EHBP1: variants seen among roughly 807,000 people sequenced by gnomAD.
The protein encoded by EHBP1 is EH domain binding protein 1.
Under a neutral mutation model 144.0 loss-of-function variants are expected in EHBP1, and 55 were observed. The observed-to-expected ratio is 0.38, with a 90% CI of 0.31 to 0.48. The LOEUF (loss-of-function observed/expected upper bound fraction) is 0.48, where lower values mean the gene tolerates loss of function less well. Ranked by LOEUF, EHBP1 falls within the 20% of genes least tolerant of loss-of-function variation. The pLI is 0.98. For missense variants in EHBP1, 1,200 were observed against 1,364.2 expected, an observed-to-expected ratio of 0.88 and a Z score of 1.90; for synonymous variants, 469 against 472.7, an observed-to-expected ratio of 0.99 and a Z score of 0.10.
rs1335717597 is a variant in EHBP1 at position 62,799,078 on chromosome 2, TGA to T, written c.313-27006_313-27005del. On this transcript the variant is annotated intron_variant, in intron 5 of 22. Coordinates refer to ENST00000431489, the MANE Select transcript of EHBP1 (RefSeq NM_001142616.3). ...TGGTGTCTCTAGTCTTTTCTATATG[TGA>T]GACATAGTTTTTAAGCTTTCATATT... Among the ~76,000 whole-genome samples the T allele has an allele frequency of 2.6e-5, 4 of 151,864 alleles. No individual in the cohort carries two copies. The East Asian group carries it at 7.7e-4, about 29-fold the overall frequency.
At chr2:62,674,403 T>C (rs1486627630) in intron 1 of EHBP1, among the ~76,000 whole-genome samples, 1 of 152,178 alleles carries the variant, frequency 6.6e-6, no homozygotes, top group Admixed American at 6.5e-5. Context: ...ATATCCTCAA[T>C]TTTGGGGAAG....
intron 10 of EHBP1, among the ~76,000 whole-genome samples, chr2:62,910,474 A>T (rs1348595179): frequency 6.6e-6 from 1 of 152,172 alleles, no homozygotes; most frequent in Non-Finnish European, 1.5e-5. Flanking sequence ...ATATTTAACC[A>T]CTTACTGAGT....
At position 62,864,770 on chromosome 2, in the gene EHBP1, A is replaced by T; in HGVS notation, c.797A>T (p.Asp266Val). 6.2e-7 allele frequency: 1 copy of T among 1,612,722 alleles called. No individual in the cohort carries two copies. Among genetic ancestry groups the T allele is most frequent in the Non-Finnish European group, 8.5e-7 (1 of 1,179,480 alleles). ...ACAGCTTCACCTAGAAAAACAGAAG[A>T]CTCTTTTTATAATAACAGCTATAAT... ...TETASPRKTE[D>V]SFYNNSYNPF... Residue 266 changes from aspartate (D) to valine (V), a missense_variant, in exon 9 of 23, where the codon GAC becomes GTC. Transcript: ENST00000431489.
intron 10 of EHBP1, among the ~76,000 whole-genome samples, chr2:62,929,692 T>C (rs2055828536): frequency 6.6e-6 from 1 of 152,156 alleles, no homozygotes. Flanking sequence ...GTCTTCAACA[T>C]AGTATTGAAA....
At chr2:62,895,835 T>C (rs78366362) in intron 10 of EHBP1, among the ~76,000 whole-genome samples, 1 of 152,056 alleles carries the variant, frequency 6.6e-6, no homozygotes, top group African/African-American at 2.4e-5. Context: ...AAAAGAAGAA[T>C]AAGAGTCAAG....
chr2:62,988,175 C>G (rs2059276024), intron 15 of EHBP1: 1 of 561,422 alleles, frequency 1.8e-6, no homozygotes, highest in South Asian at 2.4e-5. Flanking sequence ...TTAGCTTAGT[C>G]CACCTTCCAT....
chr2:62,717,996 C>T (rs2035853934), intron 2 of EHBP1, among the ~76,000 whole-genome samples: 1 of 152,124 alleles, frequency 6.6e-6, no homozygotes, highest in African/African-American at 2.4e-5. Context: ...TAATAGTCCT[C>T]CTGGCTAAAG....
chr2:63,021,417 GAGGAAGCCTT>G (rs1212230889), intron 19 of EHBP1, among the ~76,000 whole-genome samples: 1 of 152,146 alleles, frequency 6.6e-6, no homozygotes, highest in Non-Finnish European at 1.5e-5. Context: ...TAATAACTAG[GAGGAAGCCTT>G]AGGAATTGTG....
chr2:62,832,424 TTTTTTTC>T (rs921153645), intron 7 of EHBP1, among the ~76,000 whole-genome samples: 11 of 150,002 alleles, frequency 7.3e-5, no homozygotes, highest in Admixed American at 2.0e-4. Flanking sequence ...TTCACAGATT[TTTTTTTC>T]TTTTTTCTTT....
At chr2:62,988,603 T>C (rs2059290882) in intron 15 of EHBP1, among the ~76,000 whole-genome samples, 1 of 152,284 alleles carries the variant, frequency 6.6e-6, no homozygotes, top group African/African-American at 2.4e-5. Flanking sequence ...GCTTTGGCAA[T>C]GGACCTTTGT....
intron 5 of EHBP1, among the ~76,000 whole-genome samples, chr2:62,805,008 G>A (rs905001412): frequency 6.6e-6 from 1 of 152,140 alleles, no homozygotes; most frequent in Non-Finnish European, 1.5e-5. Context: ...CTGGTCTCTG[G>A]TGCCAGAAAG....
rs545997764 is a variant in EHBP1 at position 62,749,761 on chromosome 2, T to G, written c.162+2309T>G. Among the ~76,000 whole-genome samples the G allele has an allele frequency of 5.1e-4, 78 of 152,276 alleles. 1 individual carries two copies. Among genetic ancestry groups the G allele is most frequent in the South Asian group, 2.3e-3 (11 of 4,828 alleles). On this transcript the variant is annotated intron_variant, in intron 3 of 22. Coordinates refer to ENST00000431489, the MANE Select transcript of EHBP1 (RefSeq NM_001142616.3). Reference sequence around the variant, plus strand: ...ATGATGAGCATTTTTTCATGTGTCTTTTGGCTGCATAAATGTCTTCTTTTG... The same window carrying G: ...ATGATGAGCATTTTTTCATGTGTCTGTTGGCTGCATAAATGTCTTCTTTTG...
In EHBP1 at chr2:62,849,619, GTATC is replaced by G. The variant is rs1167766352; in HGVS notation, c.635-9546_635-9543del. Among the ~76,000 whole-genome samples the G allele has an allele frequency of 3.3e-5, 5 of 152,202 alleles. No individual in the cohort carries two copies. In the South Asian group the frequency reaches 8.3e-4, roughly 25 times the overall value. ...GAGATAGATACATAGATAAAACAGT[GTATC>G]TATAATGTAAAAATAAAGAATATTT... On this transcript the variant is annotated intron_variant, in intron 7 of 22. Transcript: ENST00000431489.
chr2:62,953,115 G>A (rs1389112792), intron 13 of EHBP1, among the ~76,000 whole-genome samples: 3 of 151,648 alleles, frequency 2.0e-5, no homozygotes, highest in Admixed American at 1.3e-4. Context: ...TACTCGGGAG[G>A]CTGAGGCAGG....
chr2:62,820,179 C>G (rs2102519), intron 5 of EHBP1, among the ~76,000 whole-genome samples: 2 of 141,830 alleles, frequency 1.4e-5, no homozygotes, highest in African/African-American at 5.2e-5. Flanking sequence ...CCAATGCGCT[C>G]TAGCCTGGGC....
intron 1 of EHBP1, among the ~76,000 whole-genome samples, chr2:62,685,765 A>G (rs1188493602): frequency 3.3e-5 from 5 of 152,032 alleles, no homozygotes; most frequent in Non-Finnish European, 5.9e-5. Flanking sequence ...AGCTAAATAT[A>G]TGCTTATTAC....
chr2:62,849,449 C>T (rs2048525819), intron 7 of EHBP1, among the ~76,000 whole-genome samples: 1 of 152,040 alleles, frequency 6.6e-6, no homozygotes, highest in Admixed American at 6.6e-5. Flanking sequence ...ATTGAACTAC[C>T]CAGCTAGGTC....
chr2:62,791,895 T>G (rs2043187454), intron 5 of EHBP1, among the ~76,000 whole-genome samples: 1 of 152,002 alleles, frequency 6.6e-6, no homozygotes. Flanking sequence ...CAGGGTTATT[T>G]TTAATGTTAA....
At chr2:63,003,917 A>G (rs1432971351) in intron 19 of EHBP1, among the ~76,000 whole-genome samples, 2 of 152,128 alleles carry the variant, frequency 1.3e-5, no homozygotes, top group Non-Finnish European at 2.9e-5. Context: ...AAATCTGTTT[A>G]TGAAAAGTGA....
Sources: gnomAD v4.1 joint callset for allele counts (sites outside exome capture counted in the v4.1 genomes callset) on GRCh38, gnomAD v4.1.1 for gene constraint, MANE v1.5 for transcripts, NCBI Gene and HGNC (gene_info 2026-07-23, HGNC 2026-07-21) for gene names.